CCDC180: variants seen among roughly 807,000 people sequenced by gnomAD.
CCDC180 encodes the protein coiled-coil domain-containing protein 180.
CCDC180 carries 154 observed loss-of-function variants against 209.2 expected under a neutral mutation model. That is an observed-to-expected ratio of 0.74 (90% CI 0.65 to 0.84). The LOEUF (loss-of-function observed/expected upper bound fraction) is 0.84, where lower values mean the gene tolerates loss of function less well. Among genes scored for constraint, CCDC180 ranks in the 40% least tolerant of loss-of-function variants. CCDC180 has a pLI of 0.00. For synonymous variants in CCDC180, 778 were observed against 749.1 expected (o/e 1.04, Z -0.63); for missense variants, 1,874 against 1,997.3 (o/e 0.94, Z 1.18).
chr9:97,323,700 C>A (rs969837417), intron 12 of CCDC180, 81 bp from the exon 13 acceptor site: 1 of 1,455,366 alleles, frequency 6.9e-7, no homozygotes, highest in Non-Finnish European at 9.2e-7. Context: ...ACTTGTGCAA[C>A]GCTGAGGCCT....
Position 97,308,123 on chromosome 9 carries a change from C to A in CCDC180, c.60C>A (p.Phe20Leu). 1.2e-6 allele frequency: 2 copies of A among 1,604,366 alleles called. No individual in the cohort carries two copies. Among genetic ancestry groups the A allele is most frequent in the Non-Finnish European group, 1.7e-6 (2 of 1,175,476 alleles). Residue 20 changes from phenylalanine to leucine, a missense_variant, in exon 2 of 37, where the codon TTC becomes TTA. Phe to Leu is a conservative substitution (Grantham distance 22). Coordinates refer to ENST00000529487, the MANE Select transcript of CCDC180 (RefSeq NM_020893.6). ...ATGGGAAAGCCTACCAGCAGATCTTCCAGGCTGAGGTAGGAGCCGCCCTCT... is the reference window on the plus strand; with the variant it reads ...ATGGGAAAGCCTACCAGCAGATCTTACAGGCTGAGGTAGGAGCCGCCCTCT... The part of the protein sequence containing the change: ...VPNGKAYQQI[F>L]QAEVQLVHSL...
chr9:97,374,289 G>A, intron 34 of CCDC180: 1 of 459,162 alleles, frequency 2.2e-6, no homozygotes, highest in Admixed American at 3.8e-5. Flanking sequence ...AGAGCATCAG[G>A]CTTGGGTTTG....
intron 25 of CCDC180, chr9:97,357,963 G>A: frequency 7.5e-6 from 3 of 402,064 alleles, no homozygotes. Flanking sequence ...GCAGCGTCTA[G>A]TGTTGGGGGA....
At chr9:97,337,760 C>G (rs1480206913) in intron 18 of CCDC180, among the ~76,000 whole-genome samples, 1 of 152,116 alleles carries the variant, frequency 6.6e-6, no homozygotes, top group Non-Finnish European at 1.5e-5. Context: ...CTTTGTACCT[C>G]TGGTAGAATT....
At chr9:97,359,918 C>T (rs1397760693) in intron 25 of CCDC180, 64 bp from the exon 26 acceptor site, 3 of 1,595,866 alleles carry the variant, frequency 1.9e-6, no homozygotes, top group Admixed American at 3.4e-5. Flanking sequence ...GCACTTCCCA[C>T]AGAATCTACC....
intron 19 of CCDC180, chr9:97,345,563 CTT>C (rs35152148): frequency 2.4e-6 from 1 of 415,482 alleles, no homozygotes; most frequent in African/African-American, 2.1e-5. Context: ...GATTTTCTGT[CTT>C]TTTTTTATTA....
At position 97,313,336 on chromosome 9, in the gene CCDC180, G is replaced by A. The variant is rs748197211; in HGVS notation, c.450G>A (p.Gln150=). ...ALASFQEEIA[Q]VGKEMEPLIV... ...CCAGCTTTCAGGAGGAGATTGCGCA[G>A]GTGGGAAAGGTGAGAATCCTCCCTC... The change falls in exon 5 of 37, where the codon CAG becomes CAA. Residue 150 remains glutamine (Q), a synonymous_variant. Coordinates refer to ENST00000529487, the MANE Select transcript of CCDC180 (RefSeq NM_020893.6). 1 of 1,608,618 alleles carries A rather than the reference G, an allele frequency of 6.2e-7. No homozygotes were observed. Among genetic ancestry groups the A allele is most frequent in the South Asian group, 1.1e-5 (1 of 90,908 alleles).
chr9:97,358,367 C>T (rs1826649028), intron 25 of CCDC180, among the ~76,000 whole-genome samples: 1 of 152,108 alleles, frequency 6.6e-6, no homozygotes, highest in South Asian at 2.1e-4. Flanking sequence ...AGTGACCCGC[C>T]CACATCAGCC....
chr9:97,338,124 AT>A (rs1251655951), intron 18 of CCDC180, among the ~76,000 whole-genome samples: 1 of 152,104 alleles, frequency 6.6e-6, no homozygotes, highest in Non-Finnish European at 1.5e-5. Context: ...TCCTGGATGC[AT>A]TGATTTTTTG....
At chr9:97,320,029 A>G (rs1238282868) in intron 10 of CCDC180, 97 bp from the exon 11 acceptor site, 5 of 937,848 alleles carry the variant, frequency 5.3e-6, no homozygotes, top group Admixed American at 3.4e-5. Flanking sequence ...GTTTAAATCC[A>G]TGATTTTCTG....
In CCDC180 at chr9:97,324,073, C is replaced by T. The variant is rs527707296; in HGVS notation, c.1371+170C>T. On this transcript the variant is annotated intron_variant, in intron 13 of 36. Coordinates refer to ENST00000529487, the MANE Select transcript of CCDC180 (RefSeq NM_020893.6). ...CCCCTTACGCTGGCCACTCCAAGCTCACTCACCGGACTCCTCCCAGCCACC... is the reference window on the plus strand; with the variant it reads ...CCCCTTACGCTGGCCACTCCAAGCTTACTCACCGGACTCCTCCCAGCCACC... 40 of 711,718 alleles carry T rather than the reference C, an allele frequency of 5.6e-5. No individual in the cohort carries two copies. The East Asian group carries it at 1.3e-3, about 24-fold the overall frequency. The allele number at this position is 711,718 out of a possible 1,614,324, so 44.1% of individuals were successfully genotyped here.
chr9:97,351,928 C>G (rs891552593), intron 22 of CCDC180, among the ~76,000 whole-genome samples: 3 of 152,118 alleles, frequency 2.0e-5, no homozygotes, highest in Non-Finnish European at 4.4e-5. Flanking sequence ...GCCTTGCCAA[C>G]ATGGAGAAAC....
chr9:97,374,256 C>T (rs923257840), intron 34 of CCDC180: 2 of 388,036 alleles, frequency 5.2e-6, no homozygotes, highest in East Asian at 9.4e-5. Context: ...TATCCGGGGA[C>T]TCATGGAAAC....
chr9:97,336,860 C>T (rs917035847), intron 18 of CCDC180, among the ~76,000 whole-genome samples: 13 of 152,224 alleles, frequency 8.5e-5, no homozygotes, highest in Middle Eastern at 3.4e-3. Flanking sequence ...TTGTAGTTCT[C>T]CTTGTAGAGG....
intron 10 of CCDC180, 41 bp downstream of exon 10, chr9:97,318,623 G>T: frequency 6.2e-7 from 1 of 1,602,000 alleles, no homozygotes; most frequent in Non-Finnish European, 8.5e-7. Flanking sequence ...TGCTTCTTGG[G>T]GTGCAGTGAG....
intron 10 of CCDC180, among the ~76,000 whole-genome samples, chr9:97,319,571 G>A (rs1217919009): frequency 6.6e-6 from 1 of 152,172 alleles, no homozygotes; most frequent in Non-Finnish European, 1.5e-5. Context: ...CTTGTGAGAA[G>A]CTGTGGTATT....
At chr9:97,327,636 G>A (rs1833577318) in intron 15 of CCDC180, among the ~76,000 whole-genome samples, 1 of 152,158 alleles carries the variant, frequency 6.6e-6, no homozygotes, top group South Asian at 2.1e-4. Flanking sequence ...CTTTAGGCAA[G>A]TACGTAACCC....
chr9:97,372,010 T>TA (rs1827114269), intron 34 of CCDC180: 2 of 211,044 alleles, frequency 9.5e-6, no homozygotes, highest in South Asian at 1.8e-4. Context: ...TGGCTCTTTG[T>TA]AGCCAAAAAA....
In CCDC180 at chr9:97,309,419, G is replaced by A; in HGVS notation, c.75G>A (p.Gln25=). The change falls in exon 3 of 37, where the codon CAG becomes CAA. Residue 25 remains glutamine (Q), a synonymous_variant. Coordinates refer to ENST00000529487, the MANE Select transcript of CCDC180 (RefSeq NM_020893.6). ...TTGGTCCTCCCTGGATTCAGGTGCA[G>A]CTGGTCCACTCCCTGGCGGCCACCA... The part of the protein sequence containing the change: ...AYQQIFQAEV[Q]LVHSLAATRK... 2 of 1,598,584 alleles carry A rather than the reference G, an allele frequency of 1.3e-6. No individual in the cohort carries two copies. The highest frequency in any genetic ancestry group is 1.7e-6 in the Non-Finnish European group (2 of 1,173,088).
Sources: gnomAD v4.1 joint callset for allele counts (sites outside exome capture counted in the v4.1 genomes callset) on GRCh38, gnomAD v4.1.1 for gene constraint, MANE v1.5 for transcripts, NCBI Gene and HGNC (gene_info 2026-07-23, HGNC 2026-07-21) for gene names.